The following SLC6A19 variants were observed in gnomAD, a reference collection of about 807,000 sequenced individuals.
The protein encoded by SLC6A19 is sodium-dependent neutral amino acid transporter B(0)AT1.
In SLC6A19, 67 loss-of-function variants were observed where a neutral mutation model predicts 68.3. The observed-to-expected ratio is 0.98, with a 90% CI of 0.81 to 1.20. The LOEUF is 1.20. Ranked by LOEUF, SLC6A19 falls within the 50% of genes most tolerant of loss-of-function variation. The pLI, the probability that SLC6A19 is intolerant of heterozygous loss-of-function variation, is 0.00. For missense variants in SLC6A19, 813 were observed against 851.6 expected (o/e 0.95, Z 0.56); for synonymous variants, 392 against 374.9 (o/e 1.05, Z -0.53).
At chr5:1,220,138 G>A (rs1406887217) in intron 10 of SLC6A19, among the ~76,000 whole-genome samples, 1 of 152,110 alleles carries the variant, frequency 6.6e-6, no homozygotes, top group Non-Finnish European at 1.5e-5. Context: ...GGCCGGGCAC[G>A]GTGGCTCATG....
chr5:1,219,609 C>T lies in SLC6A19; in HGVS notation c.1483C>T (p.Leu495Phe). The change falls in exon 10 of 12, where the codon CTC becomes TTC. Residue 495 changes from leucine to phenylalanine, a missense_variant. Leu to Phe is a conservative substitution (Grantham distance 22, BLOSUM62 0). Transcript: ENST00000304460. ...CAGCTATGCCGGCTCCATTCCCCTG[C>T]TCATCATCGCCTTCTGCGAGATGTT... ...LDSYAGSIPL[L>F]IIAFCEMFSV... 6.2e-7 allele frequency: 1 copy of T among 1,610,738 alleles called. No individual in the cohort carries two copies. Among genetic ancestry groups the T allele is most frequent in the Non-Finnish European group, 8.5e-7 (1 of 1,180,020 alleles).
rs530888777 is a variant in SLC6A19 at position 1,204,466 on chromosome 5, A to C, written c.202+2614A>C. 2.6e-5 allele frequency among the ~76,000 whole-genome samples: 4 copies of C among 152,330 alleles called. No homozygotes were observed. In the South Asian group the frequency reaches 8.3e-4, roughly 32 times the overall value. On this transcript the variant is annotated intron_variant, in intron 1 of 11. Coordinates refer to ENST00000304460, the MANE Select transcript of SLC6A19 (RefSeq NM_001003841.3). ...CAGGTGTGCAGGAACAGCAACCAAAAGCCGTGAGGCGTGGTCAGCCAGGGC... is the reference window on the plus strand; with the variant it reads ...CAGGTGTGCAGGAACAGCAACCAAACGCCGTGAGGCGTGGTCAGCCAGGGC...
Position 1,212,035 on chromosome 5 carries a change from CTG to C in SLC6A19, c.482-255_482-254del, listed in dbSNP as rs201296447. Among the ~76,000 whole-genome samples the C allele has an allele frequency of 1.0e-3, 122 of 119,748 alleles. No homozygotes were observed. Among genetic ancestry groups the C allele is most frequent in the East Asian group, 8.8e-3 (36 of 4,098 alleles). The allele number at this position is 119,748 out of a possible 152,430, so 78.6% of individuals were successfully genotyped here. ...ATGTGTGCCTCTGTGCATGTGTGTG[CTG>C]TGTGTGTGTGTGCATGTGCATGTGT... On this transcript the variant is annotated intron_variant, in intron 3 of 11. Coordinates refer to ENST00000304460, the MANE Select transcript of SLC6A19 (RefSeq NM_001003841.3). The surrounding 1 kb of genome is among the most constrained non-coding windows in gnomAD (Gnocchi z 5.1).
In SLC6A19 at chr5:1,211,234, G is replaced by A. The variant is rs572673859; in HGVS notation, c.481+653G>A. 7.9e-5 allele frequency among the ~76,000 whole-genome samples: 12 copies of A among 152,336 alleles called. No homozygotes were observed. In the East Asian group the frequency reaches 9.7e-4, roughly 12 times the overall value. ...GTTGGAATAAGACAGGTCCTCCCAC[G>A]ATACGTGCAACCCTCACTGCTCGCT... On this transcript the variant is annotated intron_variant, in intron 3 of 11. Coordinates refer to ENST00000304460, the MANE Select transcript of SLC6A19 (RefSeq NM_001003841.3).
rs115450858 is a variant in SLC6A19 at position 1,202,378 on chromosome 5, G to A, written c.202+526G>A. On this transcript the variant is annotated intron_variant, in intron 1 of 11. Coordinates refer to ENST00000304460, the MANE Select transcript of SLC6A19 (RefSeq NM_001003841.3). ...AGGTGCCCTCAGGCCTGGAGGCCGG[G>A]AGCCGCTGTGCCCACCCAACACACA... 6.7e-3 allele frequency among the ~76,000 whole-genome samples: 1,026 copies of A among 152,254 alleles called. 19 individuals are homozygous for A. Among genetic ancestry groups the A allele is most frequent in the African/African-American group, 0.023 (966 of 41,550 alleles).
chr5:1,214,101 C>A lies in SLC6A19; in HGVS notation c.887+36C>A, dbSNP rs1259055686. ...GTGTGGTGGGCCTCAGTTTCCCTCT[C>A]AGTCCTGGGGGGATCTTGCTGGGAG... On this transcript the variant is annotated intron_variant, in intron 6 of 11. Coordinates refer to ENST00000304460, the MANE Select transcript of SLC6A19 (RefSeq NM_001003841.3). The surrounding 1 kb of genome is among the most constrained non-coding windows in gnomAD (Gnocchi z 7.4). 2 of 1,613,280 alleles carry A rather than the reference C, an allele frequency of 1.2e-6. No homozygotes were observed. Among genetic ancestry groups the A allele is most frequent in the African/African-American group, 2.7e-5 (2 of 74,938 alleles).
chr5:1,221,422 C>T (rs1746378657), intron 11 of SLC6A19, 109 bp downstream of exon 11: 2 of 1,351,638 alleles, frequency 1.5e-6, no homozygotes, highest in African/African-American at 2.9e-5. Context: ...CACCCACACA[C>T]ATGGGCACAC....
chr5:1,216,469 C>T lies in SLC6A19; in HGVS notation c.888-89C>T, dbSNP rs568237547. Reference sequence around the variant, plus strand: ...CTCAGCCTCTCACTCCTGGGGCTGGCGCTCTGGGCGGGATGCGGATGCTGC... The same window carrying T: ...CTCAGCCTCTCACTCCTGGGGCTGGTGCTCTGGGCGGGATGCGGATGCTGC... On this transcript the variant is annotated intron_variant, in intron 6 of 11. Coordinates refer to ENST00000304460, the MANE Select transcript of SLC6A19 (RefSeq NM_001003841.3). 4.0e-5 allele frequency: 64 copies of T among 1,589,340 alleles called. 1 individual carries two copies. In the East Asian group the frequency reaches 8.7e-4, roughly 22 times the overall value.
At chr5:1,218,675 C>T (rs993841167) in intron 8 of SLC6A19, among the ~76,000 whole-genome samples, 2 of 152,230 alleles carry the variant, frequency 1.3e-5, no homozygotes, top group African/African-American at 4.8e-5. Flanking sequence ...GTGGGCGGAA[C>T]GGGGCTCTGA....
intron 6 of SLC6A19, 97 bp from the exon 7 acceptor site, chr5:1,216,461 G>A: frequency 1.3e-6 from 2 of 1,575,072 alleles, no homozygotes; most frequent in African/African-American, 1.3e-5. Flanking sequence ...TCTCACTCCT[G>A]GGGCTGGCGC....
Position 1,213,455 on chromosome 5 carries a change from C to CT in SLC6A19, c.664-7dup, listed in dbSNP as rs1561165697. 2 of 1,595,082 alleles carry CT rather than the reference C, an allele frequency of 1.3e-6. No homozygotes were observed. Among genetic ancestry groups the CT allele is most frequent in the South Asian group, 2.2e-5 (2 of 90,022 alleles). ...TCCCGCCCATCCCACATGTCCCGCC[C>CT]TCCGCAGGCCGTGTACATCACCTCC... On this transcript the variant is annotated splice_polypyrimidine_tract_variant and splice_region_variant and intron_variant, in intron 4 of 11. Transcript: ENST00000304460.
At chr5:1,211,704 G>T (rs1298869566) in intron 3 of SLC6A19, among the ~76,000 whole-genome samples, 3 of 151,566 alleles carry the variant, frequency 2.0e-5, no homozygotes, top group African/African-American at 7.3e-5. Context: ...CATGTGTGGG[G>T]TGTAGAGGTA....
intron 1 of SLC6A19, among the ~76,000 whole-genome samples, chr5:1,205,995 G>A (rs1311896208): frequency 6.6e-6 from 1 of 152,222 alleles, no homozygotes; most frequent in Non-Finnish European, 1.5e-5. Context: ...GCCACCTGCA[G>A]CTCCTGCTTC....
Position 1,219,111 on chromosome 5 carries a change from C to A in SLC6A19, c.1378+4C>A, listed in dbSNP as rs1379869895. The A allele has an allele frequency of 6.2e-7, 1 of 1,608,846 alleles. No individual in the cohort carries two copies. The highest frequency in any genetic ancestry group is 1.3e-5 in the African/African-American group (1 of 74,972). ...TGGCCCAAGGAGGTGCTCACAGGTA[C>A]GTGTGCAGTCGGGAGGGGTCCCCAT... On this transcript the variant is annotated splice_donor_region_variant and intron_variant, in intron 9 of 11. Transcript: ENST00000304460.
Position 1,209,033 on chromosome 5 carries a change from T to G in SLC6A19, c.343+147T>G. On this transcript the variant is annotated intron_variant, in intron 2 of 11. Coordinates refer to ENST00000304460, the MANE Select transcript of SLC6A19 (RefSeq NM_001003841.3). This position sits in a 1 kb window ranked among gnomAD's most constrained non-coding sequence, Gnocchi z 5.5. ...TTCTGGTGCAACAAAGGTCCCAGCT[T>G]CATCTCCTGGAGGCCTTTGGAAACT... 1 of 1,156,610 alleles carries G rather than the reference T, an allele frequency of 8.6e-7. No individual in the cohort carries two copies. 71.6% of individuals were successfully genotyped at this position (1,156,610 alleles called of 1,614,324 possible).
intron 3 of SLC6A19, among the ~76,000 whole-genome samples, chr5:1,210,969 C>T (rs934119331): frequency 6.6e-6 from 1 of 152,208 alleles, no homozygotes; most frequent in Non-Finnish European, 1.5e-5. Context: ...TCTGTCCTGC[C>T]CATGTGGGGC....
At chr5:1,207,128 C>G (rs1282377060) in intron 1 of SLC6A19, among the ~76,000 whole-genome samples, 1 of 152,218 alleles carries the variant, frequency 6.6e-6, no homozygotes. Flanking sequence ...GGCGCCACGG[C>G]CTGCACTCAC....
rs1746475159 is a variant in SLC6A19, at chr5:1,224,006, G to C, written c.*2102G>C. ...CTGCCCCCGGCTGTGATGCCACCGA[G>C]GGGCTCGCCTGCTGATGGCTTCAAC... On this transcript the variant is annotated 3_prime_UTR_variant, in exon 12 of 12. Coordinates refer to ENST00000304460, the MANE Select transcript of SLC6A19 (RefSeq NM_001003841.3). The C allele has an allele frequency of 6.6e-6, 1 of 152,286 alleles. No individual in the cohort carries two copies. The highest frequency in any genetic ancestry group is 2.1e-4 in the South Asian group (1 of 4,830). The allele number at this position is 152,286 out of a possible 1,614,324, so 9.4% of individuals were successfully genotyped here. A position where few individuals can be genotyped will look rare whatever the true frequency, so the allele number is the denominator to read the frequency against.
rs374706234 is a variant in SLC6A19 at position 1,216,725 on chromosome 5, G to A, written c.1016+39G>A. 5.5e-4 allele frequency: 889 copies of A among 1,613,590 alleles called. 8 individuals are homozygous for A. The South Asian group carries it at 8.1e-3, about 15-fold the overall frequency. ...CCACCATCCTGGTGCCTTGGGCTGC[G>A]CCTCCAGGAAGCCTCCCAGCCTCCC... On this transcript the variant is annotated intron_variant, in intron 7 of 11. Coordinates refer to ENST00000304460, the MANE Select transcript of SLC6A19 (RefSeq NM_001003841.3).
Sources: gnomAD v4.1 joint callset for allele counts (sites outside exome capture counted in the v4.1 genomes callset) on GRCh38, gnomAD v4.1.1 for gene constraint, Gnocchi (gnomAD v3.1) non-coding constraint, MANE v1.5 for transcripts, NCBI Gene and HGNC (gene_info 2026-07-23, HGNC 2026-07-21) for gene names.